Variants in MARCHF1 observed in about 807,000 individuals in gnomAD.
The protein encoded by MARCHF1 is membrane associated ring-CH-type finger 1, also known as E3 ubiquitin-protein ligase MARCHF1.
A neutral mutation model predicts 54.2 loss-of-function variants in MARCHF1; 40 were observed. That is an observed-to-expected ratio of 0.74 (90% CI 0.57 to 0.96). The LOEUF is 0.96. Ranked by LOEUF, MARCHF1 falls within the 40% of genes least tolerant of loss-of-function variation. The pLI, the probability that MARCHF1 is intolerant of heterozygous loss-of-function variation, is 0.00. For synonymous variants in MARCHF1, 236 were observed against 236.3 expected (o/e 1.00, Z 0.01); for missense variants, 586 against 656.5 (o/e 0.89, Z 1.17).
chr4:164,376,517 G>A (rs74674779), intron 1 of MARCHF1, among the ~76,000 whole-genome samples: 12,551 of 152,126 alleles, frequency 0.083, 1,094 homozygotes, highest in East Asian at 0.28. Context: ...GTGAGGCACC[G>A]GGTAAAGTGA....
chr4:163,682,340 G>A (rs1744131141), intron 5 of MARCHF1, among the ~76,000 whole-genome samples: 1 of 152,204 alleles, frequency 6.6e-6, no homozygotes, highest in Admixed American at 6.5e-5. Flanking sequence ...ATTCAAGCCA[G>A]CTGCAGAAAT....
At chr4:163,653,498 CAG>C (rs1368279191) in intron 5 of MARCHF1, among the ~76,000 whole-genome samples, 2 of 151,604 alleles carry the variant, frequency 1.3e-5, no homozygotes, top group Non-Finnish European at 2.9e-5. Flanking sequence ...GACTAGTTAT[CAG>C]GTTACGGTAA....
chr4:163,841,880 G>C (rs1240102734), intron 4 of MARCHF1, among the ~76,000 whole-genome samples: 1 of 152,078 alleles, frequency 6.6e-6, no homozygotes, highest in Admixed American at 6.6e-5. Flanking sequence ...GAAACCAGGT[G>C]TCTAAGTTCT....
At chr4:164,049,585 T>C (rs750874517) in intron 2 of MARCHF1, among the ~76,000 whole-genome samples, 11 of 152,264 alleles carry the variant, frequency 7.2e-5, no homozygotes, top group Middle Eastern at 3.4e-3. Flanking sequence ...CCACACTGAT[T>C]TCCTTATGAC....
intron 2 of MARCHF1, among the ~76,000 whole-genome samples, chr4:164,095,415 A>AACACAC (rs60204920): frequency 2.7e-5 from 4 of 148,852 alleles, no homozygotes; most frequent in African/African-American, 7.4e-5. Flanking sequence ...CACACACACA[A>AACACAC]ACACACACAC....
intron 3 of MARCHF1, among the ~76,000 whole-genome samples, chr4:163,941,370 A>C (rs1195588070): frequency 1.3e-5 from 2 of 152,122 alleles, no homozygotes; most frequent in Non-Finnish European, 2.9e-5. Flanking sequence ...ATTCCAAGAA[A>C]CCATGAAATG....
intron 1 of MARCHF1, chr4:164,197,855 A>G (rs1731326119): frequency 7.4e-7 from 1 of 1,345,892 alleles, no homozygotes; most frequent in Non-Finnish European, 9.7e-7. Context: ...AAATATTATA[A>G]TAAAGGGACT....
intron 4 of MARCHF1, among the ~76,000 whole-genome samples, chr4:163,799,255 C>A (rs1403481561): frequency 6.6e-6 from 1 of 152,016 alleles, no homozygotes; most frequent in Non-Finnish European, 1.5e-5. Flanking sequence ...AGCAGGCCAG[C>A]ATTTATCTAA....
rs971062230 is a variant in MARCHF1, at chr4:163,793,315, T to A, written c.111+60706A>T. Among the ~76,000 whole-genome samples, 3 of 152,282 alleles carry A rather than the reference T, an allele frequency of 2.0e-5. No individual in the cohort carries two copies. The East Asian group carries it at 5.8e-4, about 29-fold the overall frequency. ...TAGAAAAGTCTCGGCGTTACTAGCA[T>A]TGGTGGATTTTTATAAAATCACTTC... On this transcript the variant is annotated intron_variant, in intron 4 of 9. Coordinates refer to ENST00000514618, the MANE Select transcript of MARCHF1 (RefSeq NM_001394959.1).
At chr4:164,322,905 C>A (rs1197780867) in intron 1 of MARCHF1, among the ~76,000 whole-genome samples, 1 of 151,594 alleles carries the variant, frequency 6.6e-6, no homozygotes, top group Non-Finnish European at 1.5e-5. Context: ...TTGAAGATAC[C>A]TAAATATGAT....
intron 1 of MARCHF1, among the ~76,000 whole-genome samples, chr4:164,185,299 T>A (rs1730937820): frequency 6.6e-6 from 1 of 152,202 alleles, no homozygotes; most frequent in Non-Finnish European, 1.5e-5. Flanking sequence ...GTAACACACA[T>A]AAGGCATCTG....
intron 3 of MARCHF1, among the ~76,000 whole-genome samples, chr4:163,914,789 C>G (rs1402311125): frequency 2.6e-5 from 4 of 152,124 alleles, no homozygotes. Context: ...TGCTTGGCAG[C>G]TTCTGTCATA....
intron 8 of MARCHF1, among the ~76,000 whole-genome samples, chr4:163,568,520 C>G (rs1022819260): frequency 6.6e-6 from 1 of 152,060 alleles, no homozygotes; most frequent in Non-Finnish European, 1.5e-5. Flanking sequence ...GAAATAAATT[C>G]TTGAGCTTAG....
chr4:164,141,098 A>T (rs1756522538), intron 1 of MARCHF1, among the ~76,000 whole-genome samples: 2 of 152,212 alleles, frequency 1.3e-5, no homozygotes, highest in Admixed American at 1.3e-4. Flanking sequence ...TGCTGACTTT[A>T]TCTTTAAGTG....
chr4:164,230,395 C>CAA (rs59980603), intron 1 of MARCHF1, among the ~76,000 whole-genome samples: 3 of 99,492 alleles, frequency 3.0e-5, no homozygotes, highest in South Asian at 3.0e-4. Flanking sequence ...AACTCCATCT[C>CAA]AAAAAAAAAA....
chr4:163,840,802 TC>T lies in MARCHF1; in HGVS notation c.111+13218del, dbSNP rs572237794. 3.7e-4 allele frequency among the ~76,000 whole-genome samples: 57 copies of T among 152,224 alleles called. 1 individual carries two copies. In the East Asian group the frequency reaches 9.8e-3, roughly 26 times the overall value. ...TGACCCCCAACACAGAGATACATAC[TC>T]ATAACTATGTTAAGTAATGAATATG... On this transcript the variant is annotated intron_variant, in intron 4 of 9. Transcript: ENST00000514618.
At chr4:163,597,762 C>T (rs1318073503) in intron 7 of MARCHF1, among the ~76,000 whole-genome samples, 13 of 152,038 alleles carry the variant, frequency 8.6e-5, no homozygotes, top group Admixed American at 7.9e-4. Flanking sequence ...TGGAAACATG[C>T]CATGAGTTAT....
At chr4:164,100,320 GT>G (rs1261589392) in intron 2 of MARCHF1, among the ~76,000 whole-genome samples, 11 of 152,184 alleles carry the variant, frequency 7.2e-5, no homozygotes, top group African/African-American at 2.7e-4. Context: ...TCAACTCAAG[GT>G]TTTGCTTTTG....
At chr4:163,911,769 C>CA (rs1751194011) in intron 3 of MARCHF1, among the ~76,000 whole-genome samples, 1 of 152,132 alleles carries the variant, frequency 6.6e-6, no homozygotes, top group Non-Finnish European at 1.5e-5. Flanking sequence ...CTGATATGCA[C>CA]AGAGGAAAAG....
Sources: gnomAD v4.1 joint callset for allele counts (sites outside exome capture counted in the v4.1 genomes callset) on GRCh38, gnomAD v4.1.1 for gene constraint, MANE v1.5 for transcripts, NCBI Gene and HGNC (gene_info 2026-07-23, HGNC 2026-07-21) for gene names.